The following MYOM2 variants were observed in gnomAD, a reference collection of about 807,000 sequenced individuals.
MYOM2 encodes myomesin-2.
In MYOM2, 254 loss-of-function variants were observed where a neutral mutation model predicts 187.6. The observed-to-expected ratio is 1.35, with a 90% CI of 1.22 to 1.50. The LOEUF (loss-of-function observed/expected upper bound fraction) is 1.50, where lower values mean the gene tolerates loss of function less well. Ranked by LOEUF, MYOM2 falls within the 40% of genes most tolerant of loss-of-function variation. The pLI is 0.00. For missense variants in MYOM2, 2,796 were observed against 1,924.0 expected, an observed-to-expected ratio of 1.45 and a Z score of -8.48; for synonymous variants, 981 against 753.8, an observed-to-expected ratio of 1.30 and a Z score of -4.94.
intron 32 of MYOM2, among the ~76,000 whole-genome samples, chr8:2,133,237 C>A (rs186388986): frequency 6.6e-6 from 1 of 152,222 alleles, no homozygotes; most frequent in African/African-American, 2.4e-5. Context: ...GGTCTGCATT[C>A]CTCAACACTG....
chr8:2,100,049 TTTCCTTCC>T (rs1349462731), intron 19 of MYOM2, among the ~76,000 whole-genome samples: 1 of 61,476 alleles, frequency 1.6e-5, no homozygotes, highest in African/African-American at 4.2e-5. Context: ...TCCTTCCTTC[TTTCCTTCC>T]TTCCTTCCTT....
Position 2,057,734 on chromosome 8 carries a change from A to T in MYOM2, c.514A>T (p.Lys172Ter). ...SHTVWERMSV[K>*]LCFTVQGFPT... is the part of the protein sequence containing the mutation. ...CACCGTCTGGGAGAGGATGTCTGTG[A>T]AACTCTGCTTCACCGTGCAAGGATT... Residue 172 changes from lysine (K) to a stop codon, truncating the protein, a stop_gained, in exon 5 of 37, where the codon AAA becomes TAA. Transcript: ENST00000262113. LOFTEE classifies it high-confidence loss of function. The T allele has an allele frequency of 6.2e-7, 1 of 1,614,082 alleles. No individual in the cohort carries two copies. Among genetic ancestry groups the T allele is most frequent in the Non-Finnish European group, 8.5e-7 (1 of 1,180,024 alleles).
At chr8:2,088,349 T>G (rs1407726792) in intron 14 of MYOM2, among the ~76,000 whole-genome samples, 1 of 152,234 alleles carries the variant, frequency 6.6e-6, no homozygotes, top group Admixed American at 6.5e-5. Context: ...GTATGTTGTG[T>G]GATACTGATT....
intron 14 of MYOM2, 40 bp from the exon 15 acceptor site, chr8:2,089,968 C>T (rs367740482): frequency 1.2e-5 from 19 of 1,603,438 alleles, no homozygotes; most frequent in Middle Eastern, 1.7e-4. Context: ...GGGGACCTCG[C>T]GGTTTTCACT....
intron 27 of MYOM2, among the ~76,000 whole-genome samples, chr8:2,116,837 A>G (rs1366542879): frequency 6.6e-6 from 1 of 152,142 alleles, no homozygotes; most frequent in Admixed American, 6.5e-5. Context: ...GGCTCACTGC[A>G]AGCTCCGCCT....
At position 2,052,205 on chromosome 8, in the gene MYOM2, CGTCT is replaced by C; in HGVS notation, c.156_159del (p.Ser53HisfsTer22). The stretch of plus-strand genomic sequence containing the variant: ...TCCCAGAAGTCCTTGAGTCAGCGGT[CGTCT>C]TCACAGAGAGCCTCCAGCCAGACGT... On this transcript the variant is annotated frameshift_variant, in exon 3 of 37. Transcript: ENST00000262113. LOFTEE classifies it high-confidence loss of function. The C allele has an allele frequency of 1.2e-6, 2 of 1,613,174 alleles. No individual in the cohort carries two copies. Among genetic ancestry groups the C allele is most frequent in the Non-Finnish European group, 1.7e-6 (2 of 1,179,664 alleles).
At chr8:2,078,410 A>G (rs1300536687) in intron 11 of MYOM2, among the ~76,000 whole-genome samples, 2 of 152,200 alleles carry the variant, frequency 1.3e-5, no homozygotes, top group Non-Finnish European at 2.9e-5. Context: ...ACTGTTCAGG[A>G]TGCGTCTAAA....
intron 34 of MYOM2, 32 bp downstream of exon 34, chr8:2,141,209 C>T: frequency 6.3e-7 from 1 of 1,599,390 alleles, no homozygotes; most frequent in Non-Finnish European, 8.6e-7. Context: ...ACTATGATAT[C>T]CTGTGGGCAG....
In MYOM2 at chr8:2,122,659, C is replaced by T. The variant is rs558142859; in HGVS notation, c.3454-593C>T. On this transcript the variant is annotated intron_variant, in intron 28 of 36. Coordinates refer to ENST00000262113, the MANE Select transcript of MYOM2 (RefSeq NM_003970.4). ...GCCATGCTGAATCAGAATTCTTCCTCGTCCCTCAGACCAATGCCGGAGCAT... is the reference window on the plus strand; with the variant it reads ...GCCATGCTGAATCAGAATTCTTCCTTGTCCCTCAGACCAATGCCGGAGCAT... 2.6e-5 allele frequency among the ~76,000 whole-genome samples: 4 copies of T among 152,328 alleles called. No individual in the cohort carries two copies. The South Asian group carries it at 6.2e-4, about 24-fold the overall frequency.
At chr8:2,099,378 C>T (rs1039222677) in intron 19 of MYOM2, among the ~76,000 whole-genome samples, 11 of 151,974 alleles carry the variant, frequency 7.2e-5, no homozygotes, top group Admixed American at 2.6e-4. Context: ...GTGCGAGCCC[C>T]GGCCCCAGCT....
intron 16 of MYOM2, among the ~76,000 whole-genome samples, chr8:2,092,959 T>C (rs1168939157): frequency 6.6e-6 from 1 of 152,146 alleles, no homozygotes; most frequent in Non-Finnish European, 1.5e-5. Context: ...GACTCTTCGC[T>C]TGTGGTGGGG....
chr8:2,130,800 G>T (rs190692226), intron 32 of MYOM2, among the ~76,000 whole-genome samples: 178 of 152,320 alleles, frequency 1.2e-3, no homozygotes, highest in African/African-American at 4.0e-3. Flanking sequence ...GAGCTTACAG[G>T]ACTAGAACTC....
intron 1 of MYOM2, among the ~76,000 whole-genome samples, chr8:2,045,414 G>C (rs1169421791): frequency 6.6e-6 from 1 of 152,212 alleles, no homozygotes; most frequent in Non-Finnish European, 1.5e-5. Flanking sequence ...GCTAAGTGCC[G>C]TTTAGCACCC....
chr8:2,047,422 G>C (rs1179737460), intron 1 of MYOM2, among the ~76,000 whole-genome samples: 2 of 139,012 alleles, frequency 1.4e-5, no homozygotes, highest in African/African-American at 4.9e-5. Context: ...TTTCTGGGTT[G>C]GGCATGTGAT....
intron 32 of MYOM2, among the ~76,000 whole-genome samples, chr8:2,130,220 A>C: frequency 7.1e-6 from 1 of 141,574 alleles, no homozygotes; most frequent in Admixed American, 7.0e-5. Context: ...AACGCCCGTC[A>C]GTACCGTATA....
rs530793018 is a variant in MYOM2, at chr8:2,129,228, C to A, written c.3796C>A (p.His1266Asn). Reference protein sequence around the residue: ...FTDEMKVNWCHKDAKISSSEH... With the variant: ...FTDEMKVNWCNKDAKISSSEH... The stretch of plus-strand genomic sequence containing the variant: ...AGACGAAATGAAAGTGAACTGGTGT[C>A]ACAAGTAAGTATGACAGCAGCCGAT... Residue 1266 changes from histidine to asparagine, a missense_variant, in exon 32 of 37, where the codon CAC becomes AAC. By Grantham distance (68) the His-to-Asn change is moderately conservative. Transcript: ENST00000262113. 3.1e-6 allele frequency: 5 copies of A among 1,606,458 alleles called. No individual in the cohort carries two copies. The highest frequency in any genetic ancestry group is 4.3e-6 in the Non-Finnish European group (5 of 1,173,500).
rs144235879 is a variant in MYOM2, at chr8:2,101,044, G to A, written c.2609G>A (p.Arg870His). The change falls in exon 20 of 37, where the codon CGT becomes CAT. Residue 870 changes from arginine to histidine, a missense_variant. By Grantham distance (29) the Arg-to-His change is conservative. Coordinates refer to ENST00000262113, the MANE Select transcript of MYOM2 (RefSeq NM_003970.4). ...GTCAATCAGACGACAACAGCCAGCCGTTATTTAAAGGTAAGTCTTGGCCGG... is the reference window on the plus strand; with the variant it reads ...GTCAATCAGACGACAACAGCCAGCCATTATTTAAAGGTAAGTCTTGGCCGG... ...ITVNQTTTAS[R>H]YLKVSDLQQG... The A allele has an allele frequency of 1.7e-5, 28 of 1,613,948 alleles. No homozygotes were observed. The highest frequency in any genetic ancestry group is 8.8e-5 in the South Asian group (8 of 91,082).
intron 15 of MYOM2, among the ~76,000 whole-genome samples, chr8:2,090,525 AACTT>A (rs1796262187): frequency 6.6e-6 from 1 of 152,038 alleles, no homozygotes; most frequent in South Asian, 2.1e-4. Context: ...TACATAGGTA[AACTT>A]GTGTCATGGG....
At chr8:2,134,324 G>A (rs1458029372) in intron 32 of MYOM2, among the ~76,000 whole-genome samples, 2 of 152,092 alleles carry the variant, frequency 1.3e-5, no homozygotes, top group African/African-American at 4.8e-5. Flanking sequence ...CTCTGTCTGG[G>A]TTTATCTGGT....
Sources: gnomAD v4.1 joint callset for allele counts (sites outside exome capture counted in the v4.1 genomes callset) on GRCh38, gnomAD v4.1.1 for gene constraint, MANE v1.5 for transcripts, NCBI Gene and HGNC (gene_info 2026-07-23, HGNC 2026-07-21) for gene names.